NEK11: variants seen among roughly 807,000 people sequenced by gnomAD.
NEK11 encodes NIMA related kinase 11.
In NEK11, 72 loss-of-function variants were observed where a neutral mutation model predicts 80.7. The observed-to-expected ratio is 0.89, with a 90% CI of 0.74 to 1.08. NEK11 has a LOEUF of 1.08. Among genes scored for constraint, NEK11 ranks in the 50% least tolerant of loss-of-function variants. NEK11 has a pLI of 0.00. For synonymous variants in NEK11, 251 were observed against 260.7 expected, an observed-to-expected ratio of 0.96 and a Z score of 0.36; for missense variants, 764 against 763.6, an observed-to-expected ratio of 1.00 and a Z score of -0.01.
At chr3:131,113,002 C>G (rs2080380800) in intron 5 of NEK11, among the ~76,000 whole-genome samples, 1 of 152,100 alleles carries the variant, frequency 6.6e-6, no homozygotes, top group Non-Finnish European at 1.5e-5. Context: ...GAGAAGGTAA[C>G]TTGGGTTATC....
At chr3:131,239,595 G>A (rs2095490134) in intron 15 of NEK11, among the ~76,000 whole-genome samples, 1 of 152,172 alleles carries the variant, frequency 6.6e-6, no homozygotes, top group African/African-American at 2.4e-5. Context: ...ATGCCTTCGG[G>A]AGTCAGTATA....
At chr3:131,141,987 C>A (rs772482686) in intron 7 of NEK11, among the ~76,000 whole-genome samples, 10 of 152,198 alleles carry the variant, frequency 6.6e-5, no homozygotes, top group Non-Finnish European at 1.0e-4. Context: ...TCCAAAAAAT[C>A]TCAGGTACTT....
intron 17 of NEK11, among the ~76,000 whole-genome samples, chr3:131,348,976 T>C (rs2097410372): frequency 6.6e-6 from 1 of 152,140 alleles, no homozygotes; most frequent in Non-Finnish European, 1.5e-5. Flanking sequence ...TATTTTGTTA[T>C]TATTAACTAT....
Position 131,216,481 on chromosome 3 carries a change from A to G in NEK11, c.1400-12047A>G, listed in dbSNP as rs144397358. The stretch of plus-strand genomic sequence containing the variant: ...GCAGCCTGTGTAAGACATGATGCCA[A>G]TGGAAGATAGGAGATGATTGCAGAG... On this transcript the variant is annotated intron_variant, in intron 14 of 17. Coordinates refer to ENST00000383366, the MANE Select transcript of NEK11 (RefSeq NM_024800.5). Among the ~76,000 whole-genome samples the G allele has an allele frequency of 9.0e-3, 1,371 of 152,386 alleles. 25 individuals are homozygous for G. The highest frequency in any genetic ancestry group is 0.031 in the African/African-American group (1,295 of 41,592).
At chr3:131,250,019 C>T (rs1237175287) in intron 16 of NEK11, among the ~76,000 whole-genome samples, 1 of 151,840 alleles carries the variant, frequency 6.6e-6, no homozygotes, top group Admixed American at 6.6e-5. Context: ...ATTAAAGAAA[C>T]AATATTAAAA....
intron 17 of NEK11, among the ~76,000 whole-genome samples, chr3:131,321,249 G>A (rs2096894490): frequency 6.6e-6 from 1 of 152,064 alleles, no homozygotes; most frequent in Non-Finnish European, 1.5e-5. Context: ...TAAGCAATGG[G>A]GAAAGGACTC....
In NEK11 at chr3:131,255,118, AAGAAAGAAAGAG is replaced by A. The variant is rs1381288384; in HGVS notation, c.1621+11631_1621+11642del. ...AAAGAAAGAAAGAAAGAAAGAAAGA[AAGAAAGAAAGAG>A]AGAAAGAACAGCTAATTTCCCAAAC... On this transcript the variant is annotated intron_variant, in intron 16 of 17. Transcript: ENST00000383366. 7.6e-5 allele frequency among the ~76,000 whole-genome samples: 11 copies of A among 144,570 alleles called. No individual in the cohort carries two copies. The East Asian group carries it at 1.2e-3, about 16-fold the overall frequency. 94.8% of individuals were successfully genotyped at this position (144,570 alleles called of 152,430 possible).
intron 14 of NEK11, among the ~76,000 whole-genome samples, chr3:131,197,288 G>A (rs2094055541): frequency 6.6e-6 from 1 of 152,142 alleles, no homozygotes; most frequent in Non-Finnish European, 1.5e-5. Context: ...GGCGTAGTGG[G>A]GGTTATGCAG....
rs188565430 is a variant in NEK11 at position 131,246,410 on chromosome 3, G to C, written c.1621+2914G>C. On this transcript the variant is annotated intron_variant, in intron 16 of 17. Transcript: ENST00000383366. ...CAATAACAGTCTCCATTTCCATCCAGGTTGCTGCAAATGCCATTATTTCAT... is the reference window on the plus strand; with the variant it reads ...CAATAACAGTCTCCATTTCCATCCACGTTGCTGCAAATGCCATTATTTCAT... Among the ~76,000 whole-genome samples, 6 of 152,194 alleles carry C rather than the reference G, an allele frequency of 3.9e-5. No individual in the cohort carries two copies. In the East Asian group the frequency reaches 9.7e-4, roughly 25 times the overall value.
At position 131,350,270 on chromosome 3, in the gene NEK11, CT is replaced by C. The variant is rs2097431504; in HGVS notation, c.*498del. ...TCTTAGCTGACCTGTTTTTGGTCCA[CT>C]TTTGCCCTTCCATGACTAATAAGGA... On this transcript the variant is annotated 3_prime_UTR_variant, in exon 18 of 18. Coordinates refer to ENST00000383366, the MANE Select transcript of NEK11 (RefSeq NM_024800.5). 6.5e-6 allele frequency: 1 copy of C among 154,778 alleles called. No individual in the cohort carries two copies. The highest frequency in any genetic ancestry group is 6.3e-5 in the Admixed American group (1 of 15,794). 9.6% of individuals were successfully genotyped at this position (154,778 alleles called of 1,614,324 possible).
chr3:131,300,869 TAAGG>T, intron 17 of NEK11, among the ~76,000 whole-genome samples: 1 of 152,320 alleles, frequency 6.6e-6, no homozygotes. Context: ...GGGCTCTATT[TAAGG>T]TTCATATGAA....
intron 14 of NEK11, among the ~76,000 whole-genome samples, chr3:131,195,529 A>G (rs1271316584): frequency 1.3e-5 from 2 of 151,954 alleles, no homozygotes; most frequent in Non-Finnish European, 2.9e-5. Context: ...TAAAGGTCCT[A>G]TTTGCAGAGA....
chr3:131,063,200 CT>C (rs2071237511), intron 3 of NEK11, among the ~76,000 whole-genome samples: 1 of 151,926 alleles, frequency 6.6e-6, no homozygotes, highest in Non-Finnish European at 1.5e-5. Context: ...AATTTTTTTA[CT>C]TTTTATAGAG....
chr3:131,038,807 A>T (rs775084447), intron 3 of NEK11, among the ~76,000 whole-genome samples: 6 of 152,196 alleles, frequency 3.9e-5, no homozygotes, highest in Non-Finnish European at 7.3e-5. Flanking sequence ...AGATTTTCAG[A>T]CTTATTTAAA....
intron 16 of NEK11, among the ~76,000 whole-genome samples, chr3:131,244,523 G>T (rs756629172): frequency 6.6e-6 from 1 of 152,018 alleles, no homozygotes; most frequent in Non-Finnish European, 1.5e-5. Flanking sequence ...AGGGGTTGGT[G>T]GTACTAAGCA....
intron 16 of NEK11, among the ~76,000 whole-genome samples, chr3:131,252,007 C>A (rs1164468692): frequency 1.3e-5 from 2 of 152,004 alleles, no homozygotes; most frequent in Admixed American, 6.6e-5. Flanking sequence ...GAAGACAATC[C>A]CATCACATAG....
At chr3:131,276,048 C>G (rs2096285234) in intron 17 of NEK11, among the ~76,000 whole-genome samples, 1 of 152,138 alleles carries the variant, frequency 6.6e-6, no homozygotes, top group Non-Finnish European at 1.5e-5. Context: ...TCACCTTGGC[C>G]TTCACAGAGG....
At chr3:131,203,749 G>C (rs1363471921) in intron 14 of NEK11, among the ~76,000 whole-genome samples, 3 of 32,950 alleles carry the variant, frequency 9.1e-5, no homozygotes, top group Non-Finnish European at 1.2e-4. Flanking sequence ...ATATATATAT[G>C]TGTGTGTGTG....
At chr3:131,314,141 GT>G (rs1275679690) in intron 17 of NEK11, among the ~76,000 whole-genome samples, 2 of 151,858 alleles carry the variant, frequency 1.3e-5, no homozygotes, top group African/African-American at 4.8e-5. Flanking sequence ...GTGTGTGTGT[GT>G]GTGTGTGTGT....
Sources: allele counts gnomAD v4.1 joint callset (sites outside exome capture counted in the v4.1 genomes callset), GRCh38; gene constraint gnomAD v4.1.1; transcripts MANE v1.5; gene names NCBI Gene and HGNC (gene_info 2026-07-23, HGNC 2026-07-21).